KALRN: variants seen among roughly 807,000 people sequenced by gnomAD.
KALRN encodes the protein kalirin RhoGEF kinase.
KALRN carries 70 observed loss-of-function variants against 353.7 expected under a neutral mutation model. That is an observed-to-expected ratio of 0.20 (90% CI 0.16 to 0.24). The LOEUF (loss-of-function observed/expected upper bound fraction) is 0.24, where lower values mean the gene tolerates loss of function less well. Ranked by LOEUF, KALRN falls within the 10% of genes least tolerant of loss-of-function variation. The probability of loss-of-function intolerance (pLI) is 1.00; values close to 1 mark genes in which losing one functional copy is unlikely to be tolerated. For missense variants in KALRN, 2,791 were observed against 3,756.7 expected (o/e 0.74, Z 6.72); for synonymous variants, 1,391 against 1,434.8 (o/e 0.97, Z 0.69).
intron 33 of KALRN, among the ~76,000 whole-genome samples, chr3:124,531,896 C>T (rs562040482): frequency 3.1e-4 from 47 of 152,218 alleles, no homozygotes; most frequent in African/African-American, 1.1e-3. Context: ...TGATAGGTCT[C>T]ATATGTAGGG....
chr3:124,505,472 A>G (rs1374013361), intron 33 of KALRN, among the ~76,000 whole-genome samples: 1 of 152,142 alleles, frequency 6.6e-6, no homozygotes, highest in African/African-American at 2.4e-5. Flanking sequence ...TCTACAAAAT[A>G]TATAAACAAA....
intron 1 of KALRN, among the ~76,000 whole-genome samples, chr3:124,077,681 T>A (rs1267478282): frequency 6.6e-6 from 1 of 152,210 alleles, no homozygotes; most frequent in Non-Finnish European, 1.5e-5. Flanking sequence ...GCAATAGGCT[T>A]CAAACCTGAC....
rs527281663 is a variant in KALRN, at chr3:124,527,626, G to T, written c.4935+31213G>T. Reference sequence around the variant, plus strand: ...AAAAAAAAAAAAAGAAGAAGAAGAAGAAGCATTGGGGAGAAGCAATTTTAT... The same window carrying T: ...AAAAAAAAAAAAAGAAGAAGAAGAATAAGCATTGGGGAGAAGCAATTTTAT... On this transcript the variant is annotated intron_variant, in intron 33 of 59. Transcript: ENST00000682506. Among the ~76,000 whole-genome samples the T allele has an allele frequency of 4.6e-5, 7 of 151,878 alleles. No homozygotes were observed. In the South Asian group the frequency reaches 1.5e-3, roughly 32 times the overall value.
At chr3:124,323,693 C>T (rs2079577285) in intron 6 of KALRN, among the ~76,000 whole-genome samples, 2 of 152,200 alleles carry the variant, frequency 1.3e-5, no homozygotes, top group African/African-American at 4.8e-5. Context: ...CTTGCTCTTA[C>T]TGCTTTTCTT....
chr3:124,543,659 A>C (rs1353511897), intron 33 of KALRN, among the ~76,000 whole-genome samples: 1 of 151,694 alleles, frequency 6.6e-6, no homozygotes, highest in Non-Finnish European at 1.5e-5. Flanking sequence ...TTCTTTATAA[A>C]TGAGTTTCCA....
chr3:124,303,606 A>G (rs759426496), intron 6 of KALRN, among the ~76,000 whole-genome samples: 12 of 152,206 alleles, frequency 7.9e-5, no homozygotes, highest in Non-Finnish European at 1.6e-4. Flanking sequence ...AATCTTATTT[A>G]CAATTTTAAT....
chr3:124,196,268 T>C (rs1191289473), intron 1 of KALRN, among the ~76,000 whole-genome samples: 1 of 152,058 alleles, frequency 6.6e-6, no homozygotes, highest in East Asian at 1.9e-4. Context: ...TAAAGGCCAG[T>C]TGGGTATGTG....
chr3:124,525,032 G>T (rs976580541), intron 33 of KALRN, among the ~76,000 whole-genome samples: 1 of 152,194 alleles, frequency 6.6e-6, no homozygotes, highest in East Asian at 1.9e-4. Flanking sequence ...TATGCAGCTG[G>T]TTCTCAGATC....
At chr3:124,519,597 C>T in intron 33 of KALRN, 1 of 985,336 alleles carries the variant, frequency 1.0e-6, no homozygotes, top group Non-Finnish European at 1.2e-6. Context: ...AAAGTTTACA[C>T]TTCTATGTAT....
chr3:124,205,713 T>C (rs2076352789), intron 1 of KALRN, among the ~76,000 whole-genome samples: 4 of 152,190 alleles, frequency 2.6e-5, no homozygotes, highest in Non-Finnish European at 4.4e-5. Flanking sequence ...GATTTGGGAA[T>C]CAGAACAATA....
intron 5 of KALRN, among the ~76,000 whole-genome samples, chr3:124,288,422 G>A (rs1217670610): frequency 6.6e-6 from 1 of 152,140 alleles, no homozygotes; most frequent in Non-Finnish European, 1.5e-5. Context: ...GATGGAATGA[G>A]CATAATATAG....
chr3:124,384,982 G>A lies in KALRN; in HGVS notation c.1908G>A (p.Glu636=). The A allele has an allele frequency of 6.2e-7, 1 of 1,613,660 alleles. No individual in the cohort carries two copies. The highest frequency in any genetic ancestry group is 8.5e-7 in the Non-Finnish European group (1 of 1,179,778). ...TCCAAGACTTCGTGCGCAGGGTGGA[G>A]CAGCGGAAGCTTCTCCTGGACATGT... The part of the protein sequence containing the change: ...VRIQDFVRRV[E]QRKLLLDMSV... The change falls in exon 11 of 60, where the codon GAG becomes GAA. Residue 636 remains glutamate (E), a synonymous_variant. Transcript: ENST00000682506.
chr3:124,433,024 GTT>G (rs530268084), intron 16 of KALRN, among the ~76,000 whole-genome samples: 39 of 152,250 alleles, frequency 2.6e-4, no homozygotes, highest in African/African-American at 9.4e-4. Context: ...CTCCTTAAAT[GTT>G]TCAGTTCAGA....
rs182226702 is a variant in KALRN at position 124,287,926 on chromosome 3, T to A, written c.970-10865T>A. The stretch of plus-strand genomic sequence containing the variant: ...TTTCATTCTGTCACCCAGGCTAGAG[T>A]ACAGTGGTGTGATCTCGGCACACTG... On this transcript the variant is annotated intron_variant, in intron 5 of 59. Transcript: ENST00000682506. 7.0e-4 allele frequency among the ~76,000 whole-genome samples: 106 copies of A among 151,436 alleles called. 2 individuals carry two copies. Among genetic ancestry groups the A allele is most frequent in the Non-Finnish European group, 7.4e-5 (5 of 67,898 alleles).
intron 1 of KALRN, among the ~76,000 whole-genome samples, chr3:124,131,410 C>T (rs2065261713): frequency 6.6e-6 from 1 of 152,084 alleles, no homozygotes; most frequent in Non-Finnish European, 1.5e-5. Flanking sequence ...TACCTTTGAC[C>T]CATGGGGTCT....
At position 124,094,848 on chromosome 3, in the gene KALRN, G is replaced by A. The variant is rs1200030011; in HGVS notation, c.73+61035G>A. ...TGAGTTCAGGGTGGGATGACGGACC[G>A]CTTCTGGGACCAGTGGTATCTCTGG... On this transcript the variant is annotated intron_variant, in intron 1 of 59. Coordinates refer to ENST00000682506, the MANE Select transcript of KALRN (RefSeq NM_001388419.1). 6 of 1,613,952 alleles carry A rather than the reference G, an allele frequency of 3.7e-6. No individual in the cohort carries two copies. The Admixed American group carries it at 5.0e-5, about 13-fold the overall frequency.
chr3:124,578,819 G>A (rs575751388), intron 34 of KALRN, among the ~76,000 whole-genome samples: 5 of 152,110 alleles, frequency 3.3e-5, no homozygotes, highest in South Asian at 2.1e-4. Context: ...TGCTACAGGT[G>A]AGAATCACCC....
intron 11 of KALRN, among the ~76,000 whole-genome samples, chr3:124,387,600 A>G (rs1337451227): frequency 6.6e-6 from 1 of 152,196 alleles, no homozygotes; most frequent in Non-Finnish European, 1.5e-5. Context: ...TATAAAGGCT[A>G]GTAAACAGAG....
At chr3:124,142,845 C>T (rs146845579) in intron 1 of KALRN, among the ~76,000 whole-genome samples, 4 of 152,222 alleles carry the variant, frequency 2.6e-5, no homozygotes, top group African/African-American at 7.2e-5. Context: ...GTTTCCTTTA[C>T]TCCTCCTTCT....
Sources: gnomAD v4.1 joint callset for allele counts (sites outside exome capture counted in the v4.1 genomes callset) on GRCh38, gnomAD v4.1.1 for gene constraint, MANE v1.5 for transcripts, NCBI Gene and HGNC (gene_info 2026-07-23, HGNC 2026-07-21) for gene names.